CRISP2: variants seen among roughly 807,000 people sequenced by gnomAD.
CRISP2 encodes the protein cysteine-rich secretory protein 2.
Under a neutral mutation model 31.7 loss-of-function variants are expected in CRISP2, and 29 were observed. The ratio of observed to expected loss-of-function variants is 0.92; its 90% CI spans 0.68 to 1.25. CRISP2 has a LOEUF of 1.25. CRISP2 is among the 50% of genes most tolerant of loss of function. The pLI is 0.00. For synonymous variants in CRISP2, 111 were observed against 101.4 expected (o/e 1.09, Z -0.57); for missense variants, 318 against 286.5 (o/e 1.11, Z -0.79).
chr6:49,691,918 T>C (rs1764072621), downstream of CRISP2, among the ~76,000 whole-genome samples: 1 of 152,098 alleles, frequency 6.6e-6, no homozygotes, highest in Non-Finnish European at 1.5e-5. Flanking sequence ...TGGTTTTCAA[T>C]AACCTTTCCA....
the CRISP2 span, among the ~76,000 whole-genome samples, chr6:49,682,639 C>CT: frequency 8.9e-5 from 6 of 67,296 alleles, no homozygotes; most frequent in African/African-American, 4.8e-4. Flanking sequence ...TTCTTTCTTT[C>CT]TTTCTTCTTT....
At chr6:49,714,198 C>T (rs1437885284), upstream of CRISP2, among the ~76,000 whole-genome samples, 4 of 152,190 alleles carry the variant, frequency 2.6e-5, no homozygotes, top group Non-Finnish European at 5.9e-5. Context: ...GTAATAGGTG[C>T]ATTTTCTTCT....
At chr6:49,686,693 C>T in the CRISP2 span, among the ~76,000 whole-genome samples, 2 of 152,140 alleles carry the variant, frequency 1.3e-5, no homozygotes, top group African/African-American at 4.8e-5. Context: ...CCCAGCCATC[C>T]CATTACTGGG....
downstream of CRISP2, among the ~76,000 whole-genome samples, chr6:49,689,750 G>A (rs891237625): frequency 6.6e-5 from 10 of 151,836 alleles, no homozygotes; most frequent in Non-Finnish European, 1.5e-4. Flanking sequence ...AGTAAATGGA[G>A]GAACTTATCA....
At chr6:49,679,013 C>T in the CRISP2 span, among the ~76,000 whole-genome samples, 1 of 152,136 alleles carries the variant, frequency 6.6e-6, no homozygotes. Flanking sequence ...TTCAAGTATT[C>T]TGTTAACATT....
downstream of CRISP2, among the ~76,000 whole-genome samples, chr6:49,687,711 C>CTGT (rs1466772425): frequency 6.6e-6 from 1 of 152,192 alleles, no homozygotes; most frequent in African/African-American, 2.4e-5. Context: ...AGACATGAGA[C>CTGT]TGTTAGAGAT....
rs571597731 is a variant in CRISP2, at chr6:49,709,759, T to C, written c.-9-554A>G. 1.4e-3 allele frequency among the ~76,000 whole-genome samples: 219 copies of C among 152,380 alleles called. 1 individual carries two copies. Among genetic ancestry groups the C allele is most frequent in the Middle Eastern group, 6.8e-3 (2 of 294 alleles). ...TAATGGAGTAACTAGAAGTTATGTT[T>C]ATTTTCTTCCTTATACTTGTGAATA... On this transcript the variant is annotated intron_variant, in intron 3 of 9. Transcript: ENST00000339139.
chr6:49,692,612 A>G lies in CRISP2; in HGVS notation c.*161T>C, dbSNP rs762436093. The G allele has an allele frequency of 1.8e-4, 116 of 637,652 alleles. No homozygotes were observed. The highest frequency in any genetic ancestry group is 2.8e-4 in the Non-Finnish European group (107 of 388,006). The allele number at this position is 637,652 out of a possible 1,614,324, so 39.5% of individuals were successfully genotyped here. A position where few individuals can be genotyped will look rare whatever the true frequency, so the allele number is the denominator to read the frequency against. ...ATCATCTACTATGCTACTTTTGTAA[A>G]TCATTGCCTGAAAGTGATTTCTGTG... On this transcript the variant is annotated 3_prime_UTR_variant, in exon 10 of 10. Coordinates refer to ENST00000339139, the MANE Select transcript of CRISP2 (RefSeq NM_003296.4).
At chr6:49,695,551 A>C (rs1245272771) in intron 9 of CRISP2, among the ~76,000 whole-genome samples, 3 of 152,204 alleles carry the variant, frequency 2.0e-5, no homozygotes, top group Non-Finnish European at 4.4e-5. Flanking sequence ...CTATTTACCA[A>C]AATGGTATAT....
the CRISP2 span, among the ~76,000 whole-genome samples, chr6:49,680,445 T>C: frequency 6.6e-6 from 1 of 152,226 alleles, no homozygotes; most frequent in African/African-American, 2.4e-5. Flanking sequence ...CTATTGTGAA[T>C]AGTGCTGCAA....
chr6:49,700,562 A>G (rs527795618), intron 5 of CRISP2, 106 bp downstream of exon 5: 1 of 725,314 alleles, frequency 1.4e-6, no homozygotes, highest in African/African-American at 1.8e-5. Context: ...AACAAAACAG[A>G]GACACAACTT....
In CRISP2 at chr6:49,695,855, G is replaced by A. The variant is rs543990111; in HGVS notation, c.585C>T (p.Asp195=). 2.5e-6 allele frequency: 4 copies of A among 1,612,446 alleles called. No individual in the cohort carries two copies. In the East Asian group the frequency reaches 8.9e-5, roughly 36 times the overall value. ...QGTPCAGCPD[D]CDKGLCTNSC... is the part of the protein sequence containing the mutation. ...ACTTACTGCATAGTCCTTTGTCACA[G>A]TCATCAGGGCAACCGGCACAAGGTG... is the stretch of plus-strand genomic sequence containing the variant. Residue 195 remains aspartate, a synonymous_variant, in exon 9 of 10, where the codon GAC becomes GAT. Coordinates refer to ENST00000339139, the MANE Select transcript of CRISP2 (RefSeq NM_003296.4).
the CRISP2 span, among the ~76,000 whole-genome samples, chr6:49,682,631 C>CTT: frequency 6.5e-4 from 61 of 93,482 alleles, no homozygotes; most frequent in African/African-American, 2.8e-3. Context: ...TTCTTTCTTT[C>CTT]TTTCTTTCTT....
Position 49,698,505 on chromosome 6 carries a change from T to G in CRISP2, c.274A>C (p.Thr92Pro). 9 of 1,605,976 alleles carry G rather than the reference T, an allele frequency of 5.6e-6. No homozygotes were observed. The highest frequency in any genetic ancestry group is 7.6e-6 in the Non-Finnish European group (9 of 1,177,752). ...HSDPEDRKTSTRCGENLYMSS... is the reference protein window; with the variant it reads ...HSDPEDRKTSPRCGENLYMSS... Reference sequence around the variant, plus strand: ...ATATAGAGATTCTCACCACATCTTGTACCTAAGGGGCAGATCATTCATGAG... The same window carrying G: ...ATATAGAGATTCTCACCACATCTTGGACCTAAGGGGCAGATCATTCATGAG... The change falls in exon 7 of 10, where the codon ACA (threonine) becomes CCA (proline). Residue 92 changes from threonine to proline, a missense_variant and splice_region_variant. Thr to Pro is a conservative substitution (Grantham distance 38). Coordinates refer to ENST00000339139, the MANE Select transcript of CRISP2 (RefSeq NM_003296.4).
At chr6:49,698,328 C>T in intron 7 of CRISP2, 34 bp downstream of exon 7, 1 of 1,609,074 alleles carries the variant, frequency 6.2e-7, no homozygotes, top group South Asian at 1.1e-5. Flanking sequence ...ATTAGAACAT[C>T]TGTGACATAG....
intron 8 of CRISP2, chr6:49,697,623 G>C (rs1373024364): frequency 1.8e-6 from 2 of 1,113,736 alleles, no homozygotes; most frequent in South Asian, 2.6e-5. Context: ...AAGGCCAATT[G>C]AAAGAAAAGA....
the CRISP2 span, among the ~76,000 whole-genome samples, chr6:49,687,018 A>G: frequency 6.6e-6 from 1 of 152,004 alleles, no homozygotes; most frequent in Non-Finnish European, 1.5e-5. Context: ...ACACATGGAT[A>G]CAGGAGGGGA....
At chr6:49,690,448 C>T (rs954360558), downstream of CRISP2, among the ~76,000 whole-genome samples, 1 of 151,790 alleles carries the variant, frequency 6.6e-6, no homozygotes, top group Admixed American at 6.6e-5. Context: ...CTAAGATAAA[C>T]AAAAGCAAGG....
chr6:49,701,142 A>G (rs1582071045), intron 4 of CRISP2, among the ~76,000 whole-genome samples: 1 of 152,014 alleles, frequency 6.6e-6, no homozygotes, highest in Non-Finnish European at 1.5e-5. Flanking sequence ...CTTTTCAAAA[A>G]ATAATTTTGG....
Sources: gnomAD v4.1 joint callset for allele counts (sites outside exome capture counted in the v4.1 genomes callset) on GRCh38, gnomAD v4.1.1 for gene constraint, MANE v1.5 for transcripts, NCBI Gene and HGNC (gene_info 2026-07-23, HGNC 2026-07-21) for gene names.